The following CFHR1 variants were observed in gnomAD, a reference collection of about 807,000 sequenced individuals.
CFHR1 encodes complement factor H-related protein 1.
Under a neutral mutation model 30.4 loss-of-function variants are expected in CFHR1, and 22 were observed. The ratio of observed to expected loss-of-function variants is 0.72; its 90% CI spans 0.52 to 1.03. CFHR1 has a LOEUF of 1.03. CFHR1 is among the 50% of genes least tolerant of loss of function. The probability of loss-of-function intolerance (pLI) is 0.00; values close to 1 mark genes in which losing one functional copy is unlikely to be tolerated. For missense variants in CFHR1, 248 were observed against 380.6 expected (o/e 0.65, Z 2.90); for synonymous variants, 95 against 129.1 (o/e 0.74, Z 1.79).
chr1:196,825,438 C>T (rs773340802), intron 1 of CFHR1, 39 bp from the exon 2 acceptor site: 12 of 1,278,178 alleles, frequency 9.4e-6, no homozygotes, highest in Non-Finnish European at 1.3e-5. Flanking sequence ...ATTTATGTAA[C>T]TTATTATGTA....
At position 196,825,469 on chromosome 1, in the gene CFHR1, T is replaced by G. The variant is rs1315096684; in HGVS notation, c.59-8T>G. 6.9e-7 allele frequency: 1 copy of G among 1,449,476 alleles called. No individual in the cohort carries two copies. Among genetic ancestry groups the G allele is most frequent in the South Asian group, 1.3e-5 (1 of 76,874 alleles). 89.8% of individuals were successfully genotyped at this position (1,449,476 alleles called of 1,614,324 possible). A position where few individuals can be genotyped will look rare whatever the true frequency, so the allele number is the denominator to read the frequency against. On this transcript the variant is annotated splice_polypyrimidine_tract_variant and splice_region_variant and intron_variant, in intron 1 of 5. Transcript: ENST00000320493. Reference sequence around the variant, plus strand: ...ATGTAATTCTTCAGTTTTATGTTATTTTCCCAGCAACATTTTGTGATTTTC... The same window carrying G: ...ATGTAATTCTTCAGTTTTATGTTATGTTCCCAGCAACATTTTGTGATTTTC...
chr1:196,827,553 CT>C (rs1655383869), intron 3 of CFHR1, among the ~76,000 whole-genome samples: 1 of 135,438 alleles, frequency 7.4e-6, no homozygotes, highest in South Asian at 2.5e-4. Context: ...CATTCTTCTT[CT>C]CTACTAACTT....
At chr1:196,831,456 C>T (rs1161817659) in intron 5 of CFHR1, among the ~76,000 whole-genome samples, 2 of 134,750 alleles carry the variant, frequency 1.5e-5, no homozygotes, top group Non-Finnish European at 3.1e-5. Context: ...AGTTCTTATT[C>T]ATATTATAGC....
Position 196,826,720 on chromosome 1 carries a change from G to T in CFHR1, c.254-109G>T, listed in dbSNP as rs1174329009. On this transcript the variant is annotated intron_variant, in intron 2 of 5. Coordinates refer to ENST00000320493, the MANE Select transcript of CFHR1 (RefSeq NM_002113.3). ...TCGCCTCAGCCTCCCAAAGCGCAGA[G>T]ATTACCAGAGTGAGCCACTTCACCC... is the stretch of plus-strand genomic sequence containing the variant. 4 of 1,089,310 alleles carry T rather than the reference G, an allele frequency of 3.7e-6. No homozygotes were observed. The African/African-American group carries it at 6.2e-5, about 17-fold the overall frequency. The allele number at this position is 1,089,310 out of a possible 1,614,324, so 67.5% of individuals were successfully genotyped here.
At chr1:196,824,838 A>G (rs1334431974) in intron 1 of CFHR1, among the ~76,000 whole-genome samples, 2 of 119,158 alleles carry the variant, frequency 1.7e-5, no homozygotes, top group Non-Finnish European at 3.3e-5. Context: ...ATACAAATAC[A>G]TATTTGTATA....
At position 196,825,658 on chromosome 1, in the gene CFHR1, A is replaced by T; in HGVS notation, c.240A>T (p.Thr80=). The T allele has an allele frequency of 6.6e-7, 1 of 1,523,440 alleles. No homozygotes were observed. Among genetic ancestry groups the T allele is most frequent in the Non-Finnish European group, 8.9e-7 (1 of 1,127,778 alleles). 94.4% of individuals were successfully genotyped at this position (1,523,440 alleles called of 1,614,324 possible). The change falls in exon 2 of 6, where the codon ACA becomes ACT. Residue 80 remains threonine (T), a synonymous_variant. Transcript: ENST00000320493. Reference sequence around the variant, plus strand: ...GCACAGAAGAAGGATGGTCACCAACACCAAAGTGTCTCAGTGAGTAAATGC... The same window carrying T: ...GCACAGAAGAAGGATGGTCACCAACTCCAAAGTGTCTCAGTGAGTAAATGC... ...ITCTEEGWSP[T]PKCLRLCFFP... is the part of the protein sequence containing the mutation.
intron 1 of CFHR1, among the ~76,000 whole-genome samples, chr1:196,823,730 G>A (rs1370603407): frequency 7.4e-6 from 1 of 135,268 alleles, no homozygotes; most frequent in Non-Finnish European, 1.6e-5. Context: ...AAAACAAAGA[G>A]CAGTATTATA....
Position 196,827,473 on chromosome 1 carries a change from G to A in CFHR1, c.430+468G>A, listed in dbSNP as rs1319400847. 2.2e-5 allele frequency among the ~76,000 whole-genome samples: 3 copies of A among 135,366 alleles called. 1 individual carries two copies. The highest frequency in any genetic ancestry group is 9.4e-5 in the African/African-American group (3 of 31,792). 88.8% of individuals were successfully genotyped at this position (135,366 alleles called of 152,430 possible). A position where few individuals can be genotyped will look rare whatever the true frequency, so the allele number is the denominator to read the frequency against. On this transcript the variant is annotated intron_variant, in intron 3 of 5. Transcript: ENST00000320493. ...ATCATTGGCAATTAAATTATCTGAA[G>A]TTATTTTTATTATTATAGACTTATT...
chr1:196,825,251 C>T, intron 1 of CFHR1: 1 of 376,672 alleles, frequency 2.7e-6, no homozygotes, highest in Admixed American at 4.0e-5. Context: ...TCATATCACT[C>T]CAAAATATAA....
Position 196,829,415 on chromosome 1 carries a change from T to C in CFHR1, c.608-1085T>C, listed in dbSNP as rs1655460169. Among the ~76,000 whole-genome samples, 7 of 135,674 alleles carry C rather than the reference T, an allele frequency of 5.2e-5. 2 individuals are homozygous for C. Among genetic ancestry groups the C allele is most frequent in the Admixed American group, 4.2e-4 (6 of 14,138 alleles). The allele number at this position is 135,674 out of a possible 152,430, so 89.0% of individuals were successfully genotyped here. A position where few individuals can be genotyped will look rare whatever the true frequency, so the allele number is the denominator to read the frequency against. ...TCTTTTTATCCATTATATCGTTCTATTTTTTCAGGATCCTGAAGTCTCAAG... is the reference window on the plus strand; with the variant it reads ...TCTTTTTATCCATTATATCGTTCTACTTTTTCAGGATCCTGAAGTCTCAAG... On this transcript the variant is annotated intron_variant, in intron 4 of 5. Coordinates refer to ENST00000320493, the MANE Select transcript of CFHR1 (RefSeq NM_002113.3).
chr1:196,831,955 T>C lies in CFHR1; in HGVS notation c.949T>C (p.Cys317Arg), dbSNP rs144116526. 1.6e-5 allele frequency: 25 copies of C among 1,525,128 alleles called. 1 individual carries two copies. Among genetic ancestry groups the C allele is most frequent in the East Asian group, 2.2e-5 (1 of 44,608 alleles). 94.5% of individuals were successfully genotyped at this position (1,525,128 alleles called of 1,614,324 possible). A position where few individuals can be genotyped will look rare whatever the true frequency, so the allele number is the denominator to read the frequency against. The part of the protein sequence containing the change: ...SSRSHTLRTT[C>R]WDGKLEYPTC... The stretch of plus-strand genomic sequence containing the variant: ...ACGTTCTCACACATTGCGAACAACA[T>C]GTTGGGATGGGAAACTGGAGTATCC... Residue 317 changes from cysteine (C) to arginine (R), a missense_variant, in exon 6 of 6, where the codon TGT becomes CGT. Cys to Arg is a radical substitution (Grantham distance 180). Around this residue, in one of 3 missense-constraint regions of CFHR1, gnomAD observed 112 missense variants for 156.4 expected, o/e 0.72. Coordinates refer to ENST00000320493, the MANE Select transcript of CFHR1 (RefSeq NM_002113.3).
intron 1 of CFHR1, among the ~76,000 whole-genome samples, chr1:196,824,898 C>T (rs1655267179): frequency 8.0e-6 from 1 of 125,192 alleles, no homozygotes; most frequent in South Asian, 2.8e-4. Context: ...TTGAGTTGTT[C>T]TTAGTGATTT....
At chr1:196,824,954 T>C (rs1461634119) in intron 1 of CFHR1, among the ~76,000 whole-genome samples, 1 of 128,924 alleles carries the variant, frequency 7.8e-6, no homozygotes, top group Admixed American at 7.6e-5. Context: ...ATTAACTTTG[T>C]AACCAGAAAA....
Position 196,829,868 on chromosome 1 carries a change from A to G in CFHR1, c.608-632A>G, listed in dbSNP as rs1314590756. Among the ~76,000 whole-genome samples the G allele has an allele frequency of 1.1e-4, 15 of 133,990 alleles. 4 individuals are homozygous for G. Among genetic ancestry groups the G allele is most frequent in the Non-Finnish European group, 2.2e-4 (14 of 63,930 alleles). The allele number at this position is 133,990 out of a possible 152,430, so 87.9% of individuals were successfully genotyped here. On this transcript the variant is annotated intron_variant, in intron 4 of 5. Transcript: ENST00000320493. ...ATGGGAAGTTTTCAGGTATCCTTTT[A>G]TTTATTCATTTTTCCAGCCCAATAT... is the stretch of plus-strand genomic sequence containing the variant.
intron 1 of CFHR1, among the ~76,000 whole-genome samples, chr1:196,822,472 T>C (rs431088): frequency 0.031 from 4,071 of 131,164 alleles, 1,088 homozygotes; most frequent in African/African-American, 0.13. Flanking sequence ...TTCTTTCTGT[T>C]CTTGTGCTAT....
chr1:196,825,414 T>C, intron 1 of CFHR1, 63 bp from the exon 2 acceptor site: 1 of 1,158,610 alleles, frequency 8.6e-7, no homozygotes, highest in Non-Finnish European at 1.2e-6. Flanking sequence ...GATTAAAATA[T>C]AATCTAGTGA....
At chr1:196,824,993 A>G (rs1371252598) in intron 1 of CFHR1, among the ~76,000 whole-genome samples, 1 of 130,426 alleles carries the variant, frequency 7.7e-6, no homozygotes, top group Non-Finnish European at 1.6e-5. Flanking sequence ...TAAACAAAAA[A>G]CAAAACTACA....
At chr1:196,822,918 C>T (rs1260899488) in intron 1 of CFHR1, among the ~76,000 whole-genome samples, 3 of 133,746 alleles carry the variant, frequency 2.2e-5, no homozygotes, top group Non-Finnish European at 4.7e-5. Flanking sequence ...TTTGTTTACC[C>T]CCGGCATTGC....
rs566396893 is a variant in CFHR1, at chr1:196,829,368, G to T, written c.607+1122G>T. On this transcript the variant is annotated intron_variant, in intron 4 of 5. Transcript: ENST00000320493. ...AATTGAAAAAACTTATGAGGAAAAAGATATCGTGTTATATTGACTCCTCTT... is the reference window on the plus strand; with the variant it reads ...AATTGAAAAAACTTATGAGGAAAAATATATCGTGTTATATTGACTCCTCTT... Among the ~76,000 whole-genome samples the T allele has an allele frequency of 4.4e-5, 6 of 135,200 alleles. No homozygotes were observed. In the East Asian group the frequency reaches 1.2e-3, roughly 27 times the overall value. 88.7% of individuals were successfully genotyped at this position (135,200 alleles called of 152,430 possible). A position where few individuals can be genotyped will look rare whatever the true frequency, so the allele number is the denominator to read the frequency against.
Sources: allele counts gnomAD v4.1 joint callset (sites outside exome capture counted in the v4.1 genomes callset), GRCh38; gene constraint gnomAD v4.1.1; regional missense constraint gnomAD v4.1.1; transcripts MANE v1.5; gene names NCBI Gene and HGNC (gene_info 2026-07-23, HGNC 2026-07-21).